MCTP2: variants seen among roughly 807,000 people sequenced by gnomAD.
MCTP2 encodes the protein multiple C2 and transmembrane domain containing 2.
A neutral mutation model predicts 111.6 loss-of-function variants in MCTP2; 132 were observed. The observed-to-expected ratio is 1.18, with a 90% CI of 1.03 to 1.37. The LOEUF is 1.37. MCTP2 is among the 40% of genes most tolerant of loss of function. MCTP2 has a pLI of 0.00. For missense variants in MCTP2, 1,183 were observed against 1,067.9 expected (o/e 1.11, Z -1.50); for synonymous variants, 395 against 387.7 (o/e 1.02, Z -0.22).
chr15:94,464,239 A>ATATT (rs1491418827), intron 20 of MCTP2, among the ~76,000 whole-genome samples: 1 of 89,364 alleles, frequency 1.1e-5, no homozygotes, highest in African/African-American at 4.7e-5. Flanking sequence ...TTATATATAT[A>ATATT]ATATATATAT....
chr15:94,402,669 A>T (rs954963144), intron 17 of MCTP2: 15 of 1,507,848 alleles, frequency 9.9e-6, no homozygotes, highest in Non-Finnish European at 1.3e-5. Flanking sequence ...TCATGCCTTC[A>T]CTTTATATCT....
At chr15:94,313,594 G>A (rs1042427911) in intron 2 of MCTP2, among the ~76,000 whole-genome samples, 15 of 152,024 alleles carry the variant, frequency 9.9e-5, no homozygotes, top group African/African-American at 2.9e-4. Context: ...CCAGCTACTC[G>A]GGAGGCTGAG....
chr15:94,347,148 G>C (rs2078028776), intron 8 of MCTP2, among the ~76,000 whole-genome samples: 1 of 152,150 alleles, frequency 6.6e-6, no homozygotes, highest in African/African-American at 2.4e-5. Context: ...GTTTTAAAGA[G>C]AAAAGTCAGG....
At chr15:94,251,447 C>T (rs931246943) in intron 1 of MCTP2, among the ~76,000 whole-genome samples, 13 of 151,998 alleles carry the variant, frequency 8.6e-5, no homozygotes, top group African/African-American at 9.7e-5. Context: ...CAACCTCCAC[C>T]TCCCGGGTTC....
At chr15:94,461,202 G>C (rs1350674481) in intron 20 of MCTP2, among the ~76,000 whole-genome samples, 5 of 152,180 alleles carry the variant, frequency 3.3e-5, no homozygotes, top group African/African-American at 9.6e-5. Context: ...GCTCACATCT[G>C]TAATCCCAGC....
intron 1 of MCTP2, among the ~76,000 whole-genome samples, chr15:94,254,761 T>G (rs12907491): frequency 0.43 from 64,961 of 152,032 alleles, 14,254 homozygotes; most frequent in Middle Eastern, 0.57. Flanking sequence ...TGAATTTAAA[T>G]TTTATACTTG....
At chr15:94,342,035 C>T (rs1365544814) in intron 7 of MCTP2, 1 of 152,082 alleles carries the variant, frequency 6.6e-6, no homozygotes, top group Admixed American at 6.6e-5. Flanking sequence ...GTGACTTGAG[C>T]TGGGGGCTAG....
intron 1 of MCTP2, among the ~76,000 whole-genome samples, chr15:94,268,184 C>CT (rs370731655): frequency 0.089 from 11,797 of 132,190 alleles, 637 homozygotes; most frequent in Non-Finnish European, 0.099. Flanking sequence ...TTCTTTCTTT[C>CT]TTTTTTTTTT....
intron 1 of MCTP2, among the ~76,000 whole-genome samples, chr15:94,237,354 T>C (rs191062106): frequency 2.6e-5 from 4 of 152,226 alleles, no homozygotes; most frequent in Non-Finnish European, 4.4e-5. Flanking sequence ...AGAGCCATAT[T>C]TGAGAGGTGG....
At chr15:94,468,459 G>A (rs114799473) in intron 20 of MCTP2, among the ~76,000 whole-genome samples, 1,669 of 149,868 alleles carry the variant, frequency 0.011, 33 homozygotes, top group African/African-American at 0.039. Flanking sequence ...TCTTAAGCAC[G>A]TTCCTAAATA....
At chr15:94,267,934 T>C (rs1391049096) in intron 1 of MCTP2, among the ~76,000 whole-genome samples, 8 of 132,790 alleles carry the variant, frequency 6.0e-5, no homozygotes, top group Middle Eastern at 4.2e-3. Flanking sequence ...GGCGTGATCT[T>C]GGCTCACTGC....
In MCTP2 at chr15:94,479,474, C is replaced by T. The variant is rs75702716; in HGVS notation, c.*440C>T. ...CTCCTTTCAGATTATCGTTCATGGG[C>T]GTAAGTCTCTTCTCAGAGTTAACAA... On this transcript the variant is annotated 3_prime_UTR_variant, in exon 23 of 23. Transcript: ENST00000357742. The T allele has an allele frequency of 5.9e-3, 1,038 of 175,036 alleles. 16 individuals are homozygous for T. The highest frequency in any genetic ancestry group is 0.023 in the African/African-American group (988 of 42,894). 10.8% of individuals were successfully genotyped at this position (175,036 alleles called of 1,614,324 possible).
chr15:94,384,942 A>G (rs1175756228), intron 13 of MCTP2, among the ~76,000 whole-genome samples: 3 of 152,162 alleles, frequency 2.0e-5, no homozygotes, highest in Admixed American at 1.3e-4. Flanking sequence ...GTCAATATTA[A>G]AATATGTATA....
In MCTP2 at chr15:94,356,418, C is replaced by G. The variant is rs565715540; in HGVS notation, c.1170+117C>G. On this transcript the variant is annotated intron_variant, in intron 9 of 22. Transcript: ENST00000357742. ...AGTAATTTATGTTCAGCCCGCCTAA[C>G]TATATTAAAGAGCAGAAAACAAAAT... 763 of 956,960 alleles carry G rather than the reference C, an allele frequency of 8.0e-4. 1 individual carries two copies. The highest frequency in any genetic ancestry group is 1.0e-3 in the Non-Finnish European group (697 of 688,724). The allele number at this position is 956,960 out of a possible 1,614,324, so 59.3% of individuals were successfully genotyped here. A position where few individuals can be genotyped will look rare whatever the true frequency, so the allele number is the denominator to read the frequency against.
intron 14 of MCTP2, among the ~76,000 whole-genome samples, chr15:94,390,079 T>C (rs1345165682): frequency 7.7e-4 from 10 of 12,934 alleles, no homozygotes; most frequent in South Asian, 2.8e-3. Context: ...TATATATATA[T>C]ATATATATAT....
Position 94,334,246 on chromosome 15 carries a change from T to G in MCTP2, c.638-5044T>G, listed in dbSNP as rs28410767. Among the ~76,000 whole-genome samples, 231 of 152,328 alleles carry G rather than the reference T, an allele frequency of 1.5e-3. 2 individuals carry two copies. The highest frequency in any genetic ancestry group is 5.2e-3 in the African/African-American group (216 of 41,568). On this transcript the variant is annotated intron_variant, in intron 4 of 22. Coordinates refer to ENST00000357742, the MANE Select transcript of MCTP2 (RefSeq NM_001385001.1). ...GTTTTCTATCTCACAAGTGAAGATA[T>G]TACGGCATAAGGAAGCTGAGTAAAT...
chr15:94,464,189 G>A (rs1344906302), intron 20 of MCTP2, among the ~76,000 whole-genome samples: 6 of 136,256 alleles, frequency 4.4e-5, no homozygotes, highest in Non-Finnish European at 7.9e-5. Flanking sequence ...TAGGCCTGAA[G>A]TTTTCCTTTG....
In MCTP2 at chr15:94,403,175, G is replaced by A. The variant is rs2081693789; in HGVS notation, c.2085+1156G>A. The A allele has an allele frequency of 7.1e-6, 7 of 985,544 alleles. No homozygotes were observed. The South Asian group carries it at 2.8e-4, about 40-fold the overall frequency. The allele number at this position is 985,544 out of a possible 1,614,324, so 61.0% of individuals were successfully genotyped here. ...TGTAGAGGACCTATGCTGCCTGTAG[G>A]CTTGACCTTTCCTATACTTTTTCTG... On this transcript the variant is annotated intron_variant, in intron 17 of 22. Coordinates refer to ENST00000357742, the MANE Select transcript of MCTP2 (RefSeq NM_001385001.1).
chr15:94,332,795 A>C (rs2077188264), intron 4 of MCTP2, among the ~76,000 whole-genome samples: 1 of 152,260 alleles, frequency 6.6e-6, no homozygotes. Context: ...TTTCCTACAA[A>C]TAATGCTTTT....
Sources: gnomAD v4.1 joint callset for allele counts (sites outside exome capture counted in the v4.1 genomes callset) on GRCh38, gnomAD v4.1.1 for gene constraint, MANE v1.5 for transcripts, NCBI Gene and HGNC (gene_info 2026-07-23, HGNC 2026-07-21) for gene names.